The following PDE5A variants were observed in gnomAD, a reference collection of about 807,000 sequenced individuals.
PDE5A encodes the protein phosphodiesterase 5A.
PDE5A carries 67 observed loss-of-function variants against 110.2 expected under a neutral mutation model. That is an observed-to-expected ratio of 0.61 (90% confidence interval 0.50 to 0.75). The LOEUF is 0.75. Ranked by LOEUF, PDE5A falls within the 30% of genes least tolerant of loss-of-function variation. The probability of loss-of-function intolerance (pLI) is 0.00; values close to 1 mark genes in which losing one functional copy is unlikely to be tolerated. For missense variants in PDE5A, 862 were observed against 1,045.1 expected, an observed-to-expected ratio of 0.82 and a Z score of 2.42; for synonymous variants, 328 against 351.2, an observed-to-expected ratio of 0.93 and a Z score of 0.74.
At chr4:119,619,415 C>T (rs1412508364) in intron 1 of PDE5A, among the ~76,000 whole-genome samples, 2 of 152,104 alleles carry the variant, frequency 1.3e-5, no homozygotes, top group African/African-American at 2.4e-5. Flanking sequence ...TTTCACCTCC[C>T]GTCTTAAAGT....
chr4:119,500,700 C>G (rs907692069), intron 20 of PDE5A: 1 of 152,270 alleles, frequency 6.6e-6, no homozygotes, highest in African/African-American at 2.4e-5. Context: ...AACCACCCCC[C>G]CTCCAAAAGC....
intron 1 of PDE5A, among the ~76,000 whole-genome samples, chr4:119,608,581 A>G (rs1477643569): frequency 1.3e-5 from 2 of 152,314 alleles, no homozygotes; most frequent in East Asian, 3.9e-4. Context: ...CAAATAAAAC[A>G]AAAACAAAAA....
chr4:119,560,208 T>C (rs1727698831), intron 7 of PDE5A, 88 bp downstream of exon 7: 1 of 737,902 alleles, frequency 1.4e-6, no homozygotes, highest in Non-Finnish European at 2.2e-6. Context: ...CTGTAGCTTA[T>C]ATTTCTTAAA....
At chr4:119,564,586 A>T (rs2110506893) in intron 5 of PDE5A, among the ~76,000 whole-genome samples, 1 of 152,206 alleles carries the variant, frequency 6.6e-6, no homozygotes, top group African/African-American at 2.4e-5. Context: ...GGGGAACTCA[A>T]CAGGATGCCT....
chr4:119,607,923 A>G (rs1266402533), intron 1 of PDE5A, among the ~76,000 whole-genome samples: 2 of 152,242 alleles, frequency 1.3e-5, no homozygotes, highest in Non-Finnish European at 2.9e-5. Flanking sequence ...AAATTTGCCA[A>G]TAGTTTTAGG....
chr4:119,531,388 C>T (rs1726534869), intron 11 of PDE5A, among the ~76,000 whole-genome samples: 1 of 152,140 alleles, frequency 6.6e-6, no homozygotes, highest in Non-Finnish European at 1.5e-5. Context: ...AAGTGATTCT[C>T]CTGCCTCAGC....
At chr4:119,592,480 A>G (rs1006845326) in intron 3 of PDE5A, among the ~76,000 whole-genome samples, 1 of 149,048 alleles carries the variant, frequency 6.7e-6, no homozygotes, top group Admixed American at 6.7e-5. Flanking sequence ...AAAAAAAAAA[A>G]AAAAAAAGCT....
At chr4:119,514,413 C>A (rs546662012) in intron 14 of PDE5A, among the ~76,000 whole-genome samples, 1 of 152,152 alleles carries the variant, frequency 6.6e-6, no homozygotes, top group East Asian at 1.9e-4. Flanking sequence ...AACCTTCAAT[C>A]CCATTTAGTT....
At position 119,536,850 on chromosome 4, in the gene PDE5A, C is replaced by A. The variant is rs190396842; in HGVS notation, c.1632+2110G>T. On this transcript the variant is annotated intron_variant, in intron 11 of 20. Transcript: ENST00000354960. ...TTCCCTCCTTACAACCTAATGAGAT[C>A]CTGAGAAGCACAATAGAAACTCTCT... Among the ~76,000 whole-genome samples the A allele has an allele frequency of 1.6e-3, 237 of 152,204 alleles. 1 individual carries two copies. The highest frequency in any genetic ancestry group is 6.4e-3 in the East Asian group (33 of 5,168).
chr4:119,582,563 C>G (rs1401783430), intron 3 of PDE5A, among the ~76,000 whole-genome samples: 1 of 152,110 alleles, frequency 6.6e-6, no homozygotes, highest in Admixed American at 6.6e-5. Context: ...GAGTCCTTTC[C>G]AGAGGGTTTT....
rs1229631698 is a variant in PDE5A at position 119,542,644 on chromosome 4, T to C, written c.1397-10A>G. ...ACAAGTTGGCAAACCCCTATAACAA[T>C]CCGAGAAATTGAGCAAATGTTATTG... On this transcript the variant is annotated splice_polypyrimidine_tract_variant and intron_variant, in intron 9 of 20. Coordinates refer to ENST00000354960, the MANE Select transcript of PDE5A (RefSeq NM_001083.4). 1 of 1,607,264 alleles carries C rather than the reference T, an allele frequency of 6.2e-7. No homozygotes were observed. The highest frequency in any genetic ancestry group is 1.7e-5 in the Admixed American group (1 of 59,664).
At position 119,521,692 on chromosome 4, in the gene PDE5A, T is replaced by TA. The variant is rs376634446; in HGVS notation, c.1780-633dup. Among the ~76,000 whole-genome samples the TA allele has an allele frequency of 1.3e-3, 199 of 149,078 alleles. 3 individuals are homozygous for TA. The highest frequency in any genetic ancestry group is 6.9e-3 in the Middle Eastern group (2 of 290). On this transcript the variant is annotated intron_variant, in intron 12 of 20. Transcript: ENST00000354960. ...TACTGCCTGGTTACAAAGAAGTAATTAAAAAAAAAATGTGCCAAATAAAGC... is the reference window on the plus strand; with the variant it reads ...TACTGCCTGGTTACAAAGAAGTAATTAAAAAAAAAAATGTGCCAAATAAAGC...
intron 3 of PDE5A, among the ~76,000 whole-genome samples, chr4:119,587,455 C>A (rs1728803372): frequency 2.0e-5 from 3 of 151,802 alleles, no homozygotes; most frequent in Non-Finnish European, 4.4e-5. Flanking sequence ...ACAATCTCGG[C>A]TCACTGCAAG....
At chr4:119,605,000 A>G (rs1045938127) in intron 2 of PDE5A, among the ~76,000 whole-genome samples, 1 of 152,132 alleles carries the variant, frequency 6.6e-6, no homozygotes, top group Non-Finnish European at 1.5e-5. Context: ...ATAATCTTCT[A>G]TCCTCCCAAC....
chr4:119,548,085 T>G (rs910457679), intron 9 of PDE5A: 5 of 143,384 alleles, frequency 3.5e-5, no homozygotes, highest in Admixed American at 2.2e-4. Context: ...GTCCCGCTCT[T>G]TAGCCCAGGC....
At chr4:119,503,086 AG>A (rs1180044850) in intron 18 of PDE5A, among the ~76,000 whole-genome samples, 2 of 152,176 alleles carry the variant, frequency 1.3e-5, no homozygotes, top group African/African-American at 4.8e-5. Flanking sequence ...AGATCACCTA[AG>A]TGCTTATGGC....
intron 1 of PDE5A, among the ~76,000 whole-genome samples, chr4:119,622,390 T>C (rs1036211464): frequency 6.6e-6 from 1 of 152,130 alleles, no homozygotes; most frequent in Non-Finnish European, 1.5e-5. Context: ...ATGGTGATCC[T>C]TTCTCTCCCG....
intron 11 of PDE5A, among the ~76,000 whole-genome samples, chr4:119,531,557 G>C (rs1044392601): frequency 6.6e-6 from 1 of 152,090 alleles, no homozygotes. Context: ...GATTACAGGT[G>C]TGAGCCACCA....
At chr4:119,581,151 A>C (rs1728575903) in intron 3 of PDE5A, among the ~76,000 whole-genome samples, 1 of 152,244 alleles carries the variant, frequency 6.6e-6, no homozygotes, top group African/African-American at 2.4e-5. Context: ...TACAGTATAG[A>C]GTGGTGTGCC....
Sources: gnomAD v4.1 joint callset for allele counts (sites outside exome capture counted in the v4.1 genomes callset) on GRCh38, gnomAD v4.1.1 for gene constraint, MANE v1.5 for transcripts, NCBI Gene and HGNC (gene_info 2026-07-23, HGNC 2026-07-21) for gene names.